Variants in ABCB1 observed in about 807,000 individuals in gnomAD.
ABCB1 encodes the protein ATP-dependent translocase ABCB1.
In ABCB1, 69 loss-of-function variants were observed where a neutral mutation model predicts 142.0. The ratio of observed to expected loss-of-function variants is 0.49; its 90% CI spans 0.40 to 0.59. ABCB1 has a LOEUF of 0.59. Among genes scored for constraint, ABCB1 ranks in the 20% least tolerant of loss-of-function variants. The pLI, the probability that ABCB1 is intolerant of heterozygous loss-of-function variation, is 0.00. For missense variants in ABCB1, 1,326 were observed against 1,554.7 expected (o/e 0.85, Z 2.47); for synonymous variants, 532 against 539.2 (o/e 0.99, Z 0.18).
chr7:87,560,636 T>C (rs1369968975), intron 8 of ABCB1, among the ~76,000 whole-genome samples: 1 of 152,220 alleles, frequency 6.6e-6, no homozygotes, highest in Non-Finnish European at 1.5e-5. Flanking sequence ...GATTGAAGTG[T>C]TATAGCATCA....
rs942500792 is a variant in ABCB1, at chr7:87,572,880, C to T, written c.287-2657G>A. Among the ~76,000 whole-genome samples the T allele has an allele frequency of 4.2e-5, 5 of 119,788 alleles. No homozygotes were observed. In the South Asian group the frequency reaches 8.2e-4, roughly 20 times the overall value. The allele number at this position is 119,788 out of a possible 152,430, so 78.6% of individuals were successfully genotyped here. Reference sequence around the variant, plus strand: ...TGGACACACAGAGGGAAACAACACACACTGGAGACTTTTGGAGTGTGGAGG... The same window carrying T: ...TGGACACACAGAGGGAAACAACACATACTGGAGACTTTTGGAGTGTGGAGG... On this transcript the variant is annotated intron_variant, in intron 4 of 27. Coordinates refer to ENST00000622132, the MANE Select transcript of ABCB1 (RefSeq NM_001348946.2).
At chr7:87,603,337 C>T (rs533504828), upstream of ABCB1, among the ~76,000 whole-genome samples, 1 of 152,328 alleles carries the variant, frequency 6.6e-6, no homozygotes, top group African/African-American at 2.4e-5. Context: ...TGCCCAGTCA[C>T]ACAGCAGGTA....
intron 7 of ABCB1, among the ~76,000 whole-genome samples, chr7:87,565,806 C>T (rs1000362371): frequency 1.3e-5 from 2 of 151,132 alleles, no homozygotes; most frequent in Admixed American, 1.3e-4. Context: ...CGTTTTCTTA[C>T]AAAGGCAGAA....
chr7:87,513,620 A>G (rs1404449715), intron 25 of ABCB1, among the ~76,000 whole-genome samples: 1 of 152,154 alleles, frequency 6.6e-6, no homozygotes, highest in Non-Finnish European at 1.5e-5. Flanking sequence ...TTTCAGCCAA[A>G]GTGTCCTATT....
At chr7:87,535,639 A>T (rs1222919393) in intron 20 of ABCB1, among the ~76,000 whole-genome samples, 1 of 152,206 alleles carries the variant, frequency 6.6e-6, no homozygotes, top group African/African-American at 2.4e-5. Context: ...GGGACTCCTA[A>T]GGTTTATATT....
intron 15 of ABCB1, 56 bp downstream of exon 15, chr7:87,545,807 T>A: frequency 6.4e-7 from 1 of 1,561,538 alleles, no homozygotes; most frequent in Non-Finnish European, 8.8e-7. Flanking sequence ...TAGCATTAAA[T>A]GCAAAATCAG....
chr7:87,594,493 C>G (rs1239597344), intron 3 of ABCB1, among the ~76,000 whole-genome samples: 3 of 151,992 alleles, frequency 2.0e-5, no homozygotes, highest in African/African-American at 7.2e-5. Context: ...ATATAAGACT[C>G]CTAAGGTTTA....
At chr7:87,511,334 A>T (rs2117073532) in intron 25 of ABCB1, among the ~76,000 whole-genome samples, 1 of 152,324 alleles carries the variant, frequency 6.6e-6, no homozygotes, top group African/African-American at 2.4e-5. Context: ...CCTAAATAAA[A>T]ATATAACTAG....
intron 1 of ABCB1, among the ~76,000 whole-genome samples, chr7:87,699,224 AT>A (rs1828785693): frequency 6.6e-6 from 1 of 152,190 alleles, no homozygotes; most frequent in African/African-American, 2.4e-5. Flanking sequence ...TTAAATCATG[AT>A]GAAAAAAGCA....
rs144369247 is a variant in ABCB1, at chr7:87,519,380, C to T, written c.2873G>A (p.Arg958Gln). 140 of 1,614,096 alleles carry T rather than the reference C, an allele frequency of 8.7e-5. 2 individuals are homozygous for T. Among genetic ancestry groups the T allele is most frequent in the South Asian group, 8.5e-4 (77 of 91,086 alleles). ...ATGTGCCACCAAGTAGGCTCCAAAC[C>T]GGAAACATCCAGCATAGGAAAAATA... is the stretch of plus-strand genomic sequence containing the variant. Reference protein sequence around the residue: ...MMYFSYAGCFRFGAYLVAHKL... With the variant: ...MMYFSYAGCFQFGAYLVAHKL... The change falls in exon 23 of 28, where the codon CGG becomes CAG. Residue 958 changes from arginine to glutamine, a missense_variant. Transcript: ENST00000622132.
At chr7:87,700,588 T>G in intron 1 of ABCB1, 1 of 1,584,274 alleles carries the variant, frequency 6.3e-7, no homozygotes, top group Non-Finnish European at 8.6e-7. Context: ...TTTCTATTTT[T>G]TTTTTCATTG....
At chr7:87,541,884 C>A (rs1816555541) in intron 17 of ABCB1, among the ~76,000 whole-genome samples, 1 of 152,172 alleles carries the variant, frequency 6.6e-6, no homozygotes, top group South Asian at 2.1e-4. Flanking sequence ...GAGTGGTGGT[C>A]ATTCACTCAG....
intron 1 of ABCB1, chr7:87,710,626 T>A: frequency 1.3e-6 from 2 of 1,598,032 alleles, no homozygotes; most frequent in South Asian, 2.2e-5. Context: ...AATACATCTC[T>A]ACAGCTCTGA....
intron 19 of ABCB1, among the ~76,000 whole-genome samples, chr7:87,537,406 G>C (rs1228232679): frequency 6.6e-6 from 1 of 152,184 alleles, no homozygotes; most frequent in Non-Finnish European, 1.5e-5. Context: ...GCTGTTTTTA[G>C]GTGAATCTAC....
chr7:87,712,383 G>A (rs1041862501), intron 1 of ABCB1, among the ~76,000 whole-genome samples: 1 of 151,930 alleles, frequency 6.6e-6, no homozygotes, highest in African/African-American at 2.4e-5. Flanking sequence ...AGGATACTAA[G>A]GCTTTGAAAA....
intron 21 of ABCB1, among the ~76,000 whole-genome samples, chr7:87,528,281 T>G (rs969520262): frequency 2.0e-5 from 3 of 152,218 alleles, no homozygotes; most frequent in African/African-American, 7.2e-5. Flanking sequence ...ATATGGTCTG[T>G]AAGTGTTTGT....
At chr7:87,506,123 C>A in intron 26 of ABCB1, 80 bp from the exon 27 acceptor site, 1 of 1,425,056 alleles carries the variant, frequency 7.0e-7, no homozygotes, top group Non-Finnish European at 9.8e-7. Context: ...GTAGGATAGA[C>A]GATTCTATAT....
At chr7:87,609,304 C>T (rs1306459470) in intron 1 of ABCB1, among the ~76,000 whole-genome samples, 1 of 152,098 alleles carries the variant, frequency 6.6e-6, no homozygotes, top group African/African-American at 2.4e-5. Flanking sequence ...TCCTCGAATA[C>T]TAATAATTTT....
At chr7:87,592,175 C>G (rs1488036498) in intron 3 of ABCB1, among the ~76,000 whole-genome samples, 2 of 152,090 alleles carry the variant, frequency 1.3e-5, no homozygotes, top group African/African-American at 4.8e-5. Flanking sequence ...GCATCAGTGC[C>G]TTGATGTGTC....
Sources: allele counts gnomAD v4.1 joint callset (sites outside exome capture counted in the v4.1 genomes callset), GRCh38; gene constraint gnomAD v4.1.1; transcripts MANE v1.5; gene names NCBI Gene and HGNC (gene_info 2026-07-23, HGNC 2026-07-21).